The following MAGI2 variants were observed in gnomAD, a reference collection of about 807,000 sequenced individuals.
MAGI2 encodes the protein membrane-associated guanylate kinase, WW and PDZ domain-containing protein 2.
Under a neutral mutation model 133.3 loss-of-function variants are expected in MAGI2, and 35 were observed. That is an observed-to-expected ratio of 0.26 (90% CI 0.20 to 0.35). The LOEUF is 0.35. Ranked by LOEUF, MAGI2 falls within the 10% of genes least tolerant of loss-of-function variation. MAGI2 has a pLI of 1.00. For synonymous variants in MAGI2, 729 were observed against 710.6 expected (o/e 1.03, Z -0.41); for missense variants, 1,636 against 1,863.4 (o/e 0.88, Z 2.25).
intron 2 of MAGI2, among the ~76,000 whole-genome samples, chr7:78,673,795 T>A (rs1035211690): frequency 1.3e-5 from 2 of 152,154 alleles, no homozygotes; most frequent in African/African-American, 2.4e-5. Flanking sequence ...TCTAGAATAA[T>A]GTCTGATCAA....
intron 6 of MAGI2, among the ~76,000 whole-genome samples, chr7:78,452,557 G>T (rs1015249276): frequency 6.6e-6 from 1 of 151,664 alleles, no homozygotes; most frequent in African/African-American, 2.4e-5. Flanking sequence ...GTATAAAAAT[G>T]TACCTTTTTC....
chr7:79,401,807 C>T (rs4730807), intron 1 of MAGI2, among the ~76,000 whole-genome samples: 7,675 of 151,870 alleles, frequency 0.051, 381 homozygotes, highest in East Asian at 0.18. Flanking sequence ...GGCCTCCACA[C>T]GTGATGAACA....
chr7:78,078,969 G>T lies in MAGI2; in HGVS notation c.3684C>A (p.Gly1228=), dbSNP rs758993525. The change falls in exon 21 of 22, where the codon GGC becomes GGA. Residue 1228 remains glycine, a synonymous_variant. Transcript: ENST00000354212. ...TACCATATTCTGGGACCTGTCCCGT[G>T]CCTCTCTTGAGCAGCAGCCTCACTC... ...GRRVRLLLKR[G]TGQVPEYDEP... The T allele has an allele frequency of 3.1e-6, 5 of 1,613,642 alleles. No individual in the cohort carries two copies. Among genetic ancestry groups the T allele is most frequent in the Non-Finnish European group, 3.4e-6 (4 of 1,179,890 alleles).
At chr7:79,269,888 G>C (rs1382904112) in intron 1 of MAGI2, among the ~76,000 whole-genome samples, 1 of 152,082 alleles carries the variant, frequency 6.6e-6, no homozygotes, top group Non-Finnish European at 1.5e-5. Flanking sequence ...TATAGGAGGG[G>C]CCTGAACTCT....
At chr7:79,251,103 C>A (rs1164400882) in intron 1 of MAGI2, among the ~76,000 whole-genome samples, 1 of 152,118 alleles carries the variant, frequency 6.6e-6, no homozygotes, top group African/African-American at 2.4e-5. Context: ...GAATTAAAGA[C>A]TTAAATCTGA....
At chr7:78,874,138 T>C (rs530199860) in intron 2 of MAGI2, among the ~76,000 whole-genome samples, 2 of 152,212 alleles carry the variant, frequency 1.3e-5, no homozygotes, top group South Asian at 2.1e-4. Flanking sequence ...TACAGACATA[T>C]GCTAATAAAA....
intron 1 of MAGI2, among the ~76,000 whole-genome samples, chr7:79,134,496 CA>C (rs757640732): frequency 9.9e-5 from 15 of 152,270 alleles, no homozygotes; most frequent in Non-Finnish European, 2.1e-4. Context: ...TAATGTATCT[CA>C]GCTGAAAGCC....
chr7:78,023,491 C>T (rs894349806), intron 21 of MAGI2, among the ~76,000 whole-genome samples: 2 of 152,098 alleles, frequency 1.3e-5, no homozygotes, highest in East Asian at 1.9e-4. Flanking sequence ...TACACAGCAT[C>T]GTTCACGTTC....
rs368814316 is a variant in MAGI2 at position 78,627,092 on chromosome 7, A to C, written c.538+28T>G. On this transcript the variant is annotated intron_variant, in intron 3 of 21. Coordinates refer to ENST00000354212, the MANE Select transcript of MAGI2 (RefSeq NM_012301.4). ...ATGAGAAAAATGTGATGCCAACAAG[A>C]AAGATTTCTCAGGAACGTTGTGCTT... The C allele has an allele frequency of 3.2e-6, 5 of 1,550,480 alleles. No individual in the cohort carries two copies. The African/African-American group carries it at 7.0e-5, about 22-fold the overall frequency.
intron 2 of MAGI2, among the ~76,000 whole-genome samples, chr7:78,891,006 G>C (rs952714451): frequency 1.3e-5 from 2 of 152,044 alleles, no homozygotes; most frequent in Admixed American, 1.3e-4. Flanking sequence ...AGAAAAGAGA[G>C]AAGAATCAAA....
rs116924973 is a variant in MAGI2, at chr7:78,448,315, C to T, written c.1045+41446G>A. Reference sequence around the variant, plus strand: ...CCAGTAGTCGAATTGCTGGATCATACGGTAGTCCTAGTTTTAATTTTCTGA... The same window carrying T: ...CCAGTAGTCGAATTGCTGGATCATATGGTAGTCCTAGTTTTAATTTTCTGA... On this transcript the variant is annotated intron_variant, in intron 6 of 21. Coordinates refer to ENST00000354212, the MANE Select transcript of MAGI2 (RefSeq NM_012301.4). Among the ~76,000 whole-genome samples, 770 of 152,084 alleles carry T rather than the reference C, an allele frequency of 5.1e-3. 6 individuals carry two copies. The highest frequency in any genetic ancestry group is 4.2e-3 in the Non-Finnish European group (284 of 67,948).
intron 1 of MAGI2, among the ~76,000 whole-genome samples, chr7:79,388,692 G>T (rs1436830117): frequency 6.6e-6 from 1 of 151,660 alleles, no homozygotes; most frequent in Non-Finnish European, 1.5e-5. Context: ...AGGTCATCTA[G>T]TTCATATTGT....
At chr7:78,266,311 C>T (rs1223919393) in intron 9 of MAGI2, among the ~76,000 whole-genome samples, 1 of 152,154 alleles carries the variant, frequency 6.6e-6, no homozygotes. Flanking sequence ...ACTGATCCTC[C>T]CACCTCAGCT....
intron 18 of MAGI2, among the ~76,000 whole-genome samples, chr7:78,129,915 A>G (rs1325409586): frequency 6.8e-5 from 10 of 147,958 alleles, no homozygotes; most frequent in African/African-American, 2.5e-4. Context: ...AGCCTGGGCA[A>G]CAAGAGGGAA....
chr7:79,347,542 G>C (rs1331826859), intron 1 of MAGI2, among the ~76,000 whole-genome samples: 1 of 151,676 alleles, frequency 6.6e-6, no homozygotes, highest in Admixed American at 6.6e-5. Flanking sequence ...TGTTACACAC[G>C]AATTATCTCA....
intron 2 of MAGI2, among the ~76,000 whole-genome samples, chr7:78,648,375 C>A (rs1811131039): frequency 6.6e-6 from 1 of 152,150 alleles, no homozygotes; most frequent in Admixed American, 6.5e-5. Flanking sequence ...TAGGAAGAAG[C>A]CTTCATATAC....
At position 78,195,053 on chromosome 7, in the gene MAGI2, C is replaced by A; in HGVS notation, c.2090G>T (p.Arg697Leu). ...TTGAGGACTGCCTTGATTCTCCCATCGGTCCATTATCTGAAAAGTGACAGA... is the reference window on the plus strand; with the variant it reads ...TTGAGGACTGCCTTGATTCTCCCATAGGTCCATTATCTGAAAAGTGACAGA... ...PWKTPKPIMD[R>L]WENQGSPQTS... The change falls in exon 12 of 22, where the codon CGA becomes CTA. Residue 697 changes from arginine to leucine, a missense_variant. Coordinates refer to ENST00000354212, the MANE Select transcript of MAGI2 (RefSeq NM_012301.4). The A allele has an allele frequency of 6.2e-7, 1 of 1,605,412 alleles. No individual in the cohort carries two copies. Among genetic ancestry groups the A allele is most frequent in the Non-Finnish European group, 8.5e-7 (1 of 1,176,740 alleles).
intron 1 of MAGI2, among the ~76,000 whole-genome samples, chr7:79,341,013 T>C (rs957587632): frequency 6.6e-6 from 1 of 152,116 alleles, no homozygotes; most frequent in Non-Finnish European, 1.5e-5. Context: ...AAATTATTTA[T>C]CAACTATAGC....
chr7:79,332,920 C>T (rs753578943), intron 1 of MAGI2, among the ~76,000 whole-genome samples: 24 of 151,942 alleles, frequency 1.6e-4, no homozygotes, highest in African/African-American at 2.4e-4. Flanking sequence ...GTGTTTGATG[C>T]GCATAAATAT....
Sources: gnomAD v4.1 joint callset for allele counts (sites outside exome capture counted in the v4.1 genomes callset) on GRCh38, gnomAD v4.1.1 for gene constraint, MANE v1.5 for transcripts, NCBI Gene and HGNC (gene_info 2026-07-23, HGNC 2026-07-21) for gene names.